The following NDUFA10 variants were observed in gnomAD, a reference collection of about 807,000 sequenced individuals.
NDUFA10 encodes NADH:ubiquinone oxidoreductase subunit A10, also known as NADH dehydrogenase [ubiquinone] 1 alpha subcomplex subunit 10, mitochondrial.
NDUFA10 carries 40 observed loss-of-function variants against 47.8 expected under a neutral mutation model. That is an observed-to-expected ratio of 0.84 (90% CI 0.65 to 1.09). The LOEUF (loss-of-function observed/expected upper bound fraction) is 1.09, where lower values mean the gene tolerates loss of function less well. NDUFA10 is among the 50% of genes least tolerant of loss of function. NDUFA10 has a pLI of 0.00. For missense variants in NDUFA10, 413 were observed against 451.1 expected (o/e 0.92, Z 0.76); for synonymous variants, 183 against 172.2 (o/e 1.06, Z -0.49).
Position 239,915,315 on chromosome 2 carries a change from TACAC to T in NDUFA10, c.295-20005_295-20002del, listed in dbSNP as rs567497423. 1.4e-4 allele frequency among the ~76,000 whole-genome samples: 15 copies of T among 105,798 alleles called. No individual in the cohort carries two copies. In the East Asian group the frequency reaches 3.4e-3, roughly 24 times the overall value. The allele number at this position is 105,798 out of a possible 152,430, so 69.4% of individuals were successfully genotyped here. A position where few individuals can be genotyped will look rare whatever the true frequency, so the allele number is the denominator to read the frequency against. ...ACAGACAGAGAGACAGAGATAAACATACACACACACACAGAGAACGAAGACATAC... is the reference window on the plus strand; with the variant it reads ...ACAGACAGAGAGACAGAGATAAACATACACACACAGAGAACGAAGACATAC... On this transcript the variant is annotated intron_variant, in intron 4 of 5. Transcript: ENST00000419408.
chr2:239,931,866 C>G (rs1027665097), intron 4 of NDUFA10, among the ~76,000 whole-genome samples: 3 of 119,602 alleles, frequency 2.5e-5, no homozygotes, highest in African/African-American at 3.3e-5. Context: ...GACGGAGTCT[C>G]GCTCTGTGGC....
chr2:239,955,784 C>A (rs951716051), downstream of NDUFA10, among the ~76,000 whole-genome samples: 23 of 152,150 alleles, frequency 1.5e-4, no homozygotes, highest in African/African-American at 1.9e-4. Flanking sequence ...TCCAAACCCA[C>A]GGCCAGGGGA....
chr2:239,951,308 T>C (rs1453934605), intron 4 of NDUFA10, among the ~76,000 whole-genome samples: 1 of 152,160 alleles, frequency 6.6e-6, no homozygotes, highest in Non-Finnish European at 1.5e-5. Context: ...ACAGGGACAA[T>C]GGCTGCGTCA....
intron 9 of NDUFA10, among the ~76,000 whole-genome samples, chr2:239,981,269 CCCACAGGGCAGAAGCT>C (rs1211359431): frequency 6.6e-6 from 1 of 152,186 alleles, no homozygotes; most frequent in Non-Finnish European, 1.5e-5. Flanking sequence ...TGGATGGAGC[CCCACAGGGCAGAAGCT>C]CTGTACCCAA....
At chr2:239,965,650 T>C (rs779447778) in intron 9 of NDUFA10, among the ~76,000 whole-genome samples, 2 of 152,168 alleles carry the variant, frequency 1.3e-5, no homozygotes, top group African/African-American at 4.8e-5. Flanking sequence ...GCAAAGGGCA[T>C]GCGGTGAACT....
chr2:240,004,750 T>A (rs1037815452), intron 8 of NDUFA10, among the ~76,000 whole-genome samples: 20 of 152,042 alleles, frequency 1.3e-4, no homozygotes, highest in Admixed American at 4.6e-4. Context: ...TGCCCTCTGC[T>A]CACCCCACGG....
At chr2:239,937,094 C>T (rs760289321) in intron 4 of NDUFA10, among the ~76,000 whole-genome samples, 34 of 152,332 alleles carry the variant, frequency 2.2e-4, no homozygotes, top group Non-Finnish European at 3.5e-4. Context: ...GGGCTGGGGG[C>T]AGTCCGCAGT....
In NDUFA10 at chr2:240,019,736, A is replaced by G. The variant is rs1227170519; in HGVS notation, c.461-1097T>C. Among the ~76,000 whole-genome samples, 96 of 79,798 alleles carry G rather than the reference A, an allele frequency of 1.2e-3. 32 individuals are homozygous for G. The highest frequency in any genetic ancestry group is 0.01 in the Middle Eastern group (2 of 198). 52.4% of individuals were successfully genotyped at this position (79,798 alleles called of 152,430 possible). A position where few individuals can be genotyped will look rare whatever the true frequency, so the allele number is the denominator to read the frequency against. ...TGGGAGGCTGAGGCAGGAGAATGGC[A>G]TGAACCCGGGAGGCGGAGCTTGCAG... On this transcript the variant is annotated intron_variant, in intron 3 of 9. Coordinates refer to ENST00000252711, the MANE Select transcript of NDUFA10 (RefSeq NM_004544.4).
In NDUFA10 at chr2:239,945,180, G is replaced by A. The variant is rs889852781; in HGVS notation, c.294+44894C>T. On this transcript the variant is annotated intron_variant, in intron 4 of 5. Coordinates refer to the NDUFA10 transcript ENST00000419408. The surrounding 1 kb of genome is among the most constrained non-coding windows in gnomAD (Gnocchi z 4.6). ...CCTCCCGCAGGAGGGCCTGACTGGGGAGGAAATGACAAGCCACTTCTCAGG... is the reference window on the plus strand; with the variant it reads ...CCTCCCGCAGGAGGGCCTGACTGGGAAGGAAATGACAAGCCACTTCTCAGG... 6.6e-6 allele frequency among the ~76,000 whole-genome samples: 1 copy of A among 152,164 alleles called. No homozygotes were observed. The highest frequency in any genetic ancestry group is 1.5e-5 in the Non-Finnish European group (1 of 68,028).
chr2:239,991,704 A>G (rs1447393097), intron 8 of NDUFA10, among the ~76,000 whole-genome samples: 2 of 152,354 alleles, frequency 1.3e-5, no homozygotes, highest in African/African-American at 2.4e-5. Flanking sequence ...TAACACAAAT[A>G]TAAGGATAAT....
chr2:239,937,175 T>A (rs1282338796), intron 4 of NDUFA10, among the ~76,000 whole-genome samples: 1 of 152,196 alleles, frequency 6.6e-6, no homozygotes, highest in African/African-American at 2.4e-5. Flanking sequence ...CATGAGCCCA[T>A]GCACTCTACT....
At chr2:239,967,147 T>C (rs1288514961) in intron 9 of NDUFA10, among the ~76,000 whole-genome samples, 1 of 152,190 alleles carries the variant, frequency 6.6e-6, no homozygotes, top group African/African-American at 2.4e-5. Context: ...AACAGAGCAA[T>C]AGATGCTGAC....
At chr2:239,907,230 C>G (rs1260824524) in intron 4 of NDUFA10, among the ~76,000 whole-genome samples, 1 of 152,224 alleles carries the variant, frequency 6.6e-6, no homozygotes, top group Non-Finnish European at 1.5e-5. Context: ...AACTGGATCT[C>G]TTCCTTACAC....
chr2:239,964,876 C>CA (rs1694997602), intron 9 of NDUFA10, among the ~76,000 whole-genome samples: 1 of 152,178 alleles, frequency 6.6e-6, no homozygotes, highest in Admixed American at 6.5e-5. Context: ...GACACCTGAA[C>CA]AAAAGATCAC....
At chr2:240,018,424 G>A (rs1697456391) in intron 4 of NDUFA10, 129 bp downstream of exon 4, 32 of 1,572,942 alleles carry the variant, frequency 2.0e-5, no homozygotes, top group Middle Eastern at 3.3e-4. Context: ...AGCGGAGACC[G>A]ATTAAGTAAT....
intron 9 of NDUFA10, among the ~76,000 whole-genome samples, chr2:239,962,437 C>T (rs960133208): frequency 3.3e-5 from 5 of 152,286 alleles, no homozygotes; most frequent in African/African-American, 1.2e-4. Flanking sequence ...CACAATGCAT[C>T]CTATGAAGCA....
chr2:239,967,979 T>TACACACACAC (rs61166045), intron 9 of NDUFA10, among the ~76,000 whole-genome samples: 30,087 of 147,176 alleles, frequency 0.2, 3,599 homozygotes, highest in East Asian at 0.32. Flanking sequence ...GAAAAAAATA[T>TACACACACAC]ACACACACAC....
intron 9 of NDUFA10, chr2:239,983,393 T>C (rs1695864112): frequency 7.1e-7 from 1 of 1,409,446 alleles, no homozygotes; most frequent in South Asian, 1.5e-5. Flanking sequence ...ACAAAAGGAA[T>C]TCTATGAATT....
chr2:239,999,279 T>G (rs559139331), intron 8 of NDUFA10, among the ~76,000 whole-genome samples: 2 of 152,316 alleles, frequency 1.3e-5, no homozygotes, highest in South Asian at 4.1e-4. Flanking sequence ...CAACGGTGAA[T>G]GCCGACCGTC....
Sources: allele counts gnomAD v4.1 joint callset (sites outside exome capture counted in the v4.1 genomes callset), GRCh38; gene constraint gnomAD v4.1.1; non-coding constraint Gnocchi (gnomAD v3.1); transcripts MANE v1.5; gene names NCBI Gene and HGNC (gene_info 2026-07-23, HGNC 2026-07-21).